RPTOR: variants seen among roughly 807,000 people sequenced by gnomAD.
RPTOR encodes regulatory associated protein of MTOR complex 1.
RPTOR carries 21 observed loss-of-function variants against 169.9 expected under a neutral mutation model. The observed-to-expected ratio is 0.12, with a 90% CI of 0.09 to 0.18. The LOEUF (loss-of-function observed/expected upper bound fraction) is 0.18, where lower values mean the gene tolerates loss of function less well. Ranked by LOEUF, RPTOR falls within the 10% of genes least tolerant of loss-of-function variation. The pLI is 1.00. For missense variants in RPTOR, 1,133 were observed against 1,855.9 expected (o/e 0.61, Z 7.16); for synonymous variants, 732 against 753.2 (o/e 0.97, Z 0.46).
intron 5 of RPTOR, among the ~76,000 whole-genome samples, chr17:80,736,072 C>A (rs2066430865): frequency 6.6e-6 from 1 of 152,118 alleles, no homozygotes; most frequent in African/African-American, 2.4e-5. Flanking sequence ...CTCTGGAGAC[C>A]AAGGTGGAAG....
intron 24 of RPTOR, among the ~76,000 whole-genome samples, chr17:80,930,204 A>AGC (rs2068863215): frequency 8.3e-6 from 1 of 120,152 alleles, no homozygotes; most frequent in Admixed American, 8.2e-5. Context: ...TGCCCAGCTC[A>AGC]TCCCCAGCTC....
At chr17:80,920,063 G>C (rs1186893554) in intron 21 of RPTOR, among the ~76,000 whole-genome samples, 1 of 152,208 alleles carries the variant, frequency 6.6e-6, no homozygotes, top group East Asian at 1.9e-4. Context: ...CACCCTTCCT[G>C]GTGCTGCGCT....
chr17:80,698,444 G>T (rs1441661556), intron 3 of RPTOR, among the ~76,000 whole-genome samples: 1 of 152,174 alleles, frequency 6.6e-6, no homozygotes, highest in African/African-American at 2.4e-5. Context: ...GTTGTCACCA[G>T]CATGTGGTCA....
rs2066163770 is a variant in RPTOR, at chr17:80,708,994, TC to T, written c.507+998del. 1 of 985,520 alleles carries T rather than the reference TC, an allele frequency of 1.0e-6. No individual in the cohort carries two copies. Among genetic ancestry groups the T allele is most frequent in the South Asian group, 4.7e-5 (1 of 21,282 alleles). The allele number at this position is 985,520 out of a possible 1,614,324, so 61.0% of individuals were successfully genotyped here. On this transcript the variant is annotated intron_variant, in intron 4 of 33. Transcript: ENST00000306801. The surrounding 1 kb of genome is among the most constrained non-coding windows in gnomAD (Gnocchi z 4.2). ...CTGAACTCTCGGTTCCCGCCTACCGTCCCGGGTTCGCAGCTAGCATTCGGCA... is the reference window on the plus strand; with the variant it reads ...CTGAACTCTCGGTTCCCGCCTACCGTCCGGGTTCGCAGCTAGCATTCGGCA...
chr17:80,869,946 G>A (rs2068034314), intron 13 of RPTOR, among the ~76,000 whole-genome samples: 1 of 152,182 alleles, frequency 6.6e-6, no homozygotes, highest in South Asian at 2.1e-4. Flanking sequence ...GGCCACAGCT[G>A]TCTTCCGCTG....
intron 3 of RPTOR, among the ~76,000 whole-genome samples, chr17:80,649,195 T>A (rs551496413): frequency 6.6e-6 from 1 of 152,302 alleles, no homozygotes; most frequent in African/African-American, 2.4e-5. Flanking sequence ...ACTCCACACC[T>A]GGAGGTGCTC....
At chr17:80,620,492 T>TGG (rs756085106) in intron 1 of RPTOR, among the ~76,000 whole-genome samples, 24 of 152,320 alleles carry the variant, frequency 1.6e-4, no homozygotes, top group Non-Finnish European at 2.6e-4. Context: ...AGGCCAGGTG[T>TGG]GGTGGCTCAC....
At chr17:80,864,510 G>T (rs74534309) in intron 13 of RPTOR, among the ~76,000 whole-genome samples, 32,007 of 149,512 alleles carry the variant, frequency 0.21, 3,571 homozygotes, top group East Asian at 0.3. Flanking sequence ...GACAGAGAAA[G>T]AGAAAAAACT....
chr17:80,585,270 T>C (rs1028347155), intron 1 of RPTOR, among the ~76,000 whole-genome samples: 3 of 151,496 alleles, frequency 2.0e-5, no homozygotes, highest in African/African-American at 7.3e-5. Flanking sequence ...AGTGGTGCGA[T>C]CTCGACTCAC....
At chr17:80,886,990 G>A (rs1257619093) in intron 17 of RPTOR, among the ~76,000 whole-genome samples, 4 of 152,164 alleles carry the variant, frequency 2.6e-5, no homozygotes, top group Non-Finnish European at 5.9e-5. Flanking sequence ...TGCCTGCATC[G>A]GAGCGGGAAG....
In RPTOR at chr17:80,633,345, A is replaced by G. The variant is rs528305907; in HGVS notation, c.265+7552A>G. On this transcript the variant is annotated intron_variant, in intron 2 of 33. Coordinates refer to ENST00000306801, the MANE Select transcript of RPTOR (RefSeq NM_020761.3). This position sits in a 1 kb window ranked among gnomAD's most constrained non-coding sequence, Gnocchi z 4.1. ...CTGCATGCAGGTTTGCCAGTGTCCC[A>G]GGAATGTCCTTTGTAGCGCCAGGAT... Among the ~76,000 whole-genome samples, 3 of 152,350 alleles carry G rather than the reference A, an allele frequency of 2.0e-5. No homozygotes were observed. In the East Asian group the frequency reaches 5.8e-4, roughly 29 times the overall value.
chr17:80,864,911 T>C (rs1160919341), intron 13 of RPTOR, among the ~76,000 whole-genome samples: 1 of 152,238 alleles, frequency 6.6e-6, no homozygotes. Flanking sequence ...CACTGTAAGC[T>C]CACACTCCCT....
chr17:80,743,800 C>CT (rs2066516190), intron 5 of RPTOR, among the ~76,000 whole-genome samples: 1 of 81,634 alleles, frequency 1.2e-5, no homozygotes, highest in Non-Finnish European at 2.9e-5. Context: ...GCTACTAGCA[C>CT]AGCCCTGGCT....
At chr17:80,838,161 G>T (rs2143675013) in intron 10 of RPTOR, among the ~76,000 whole-genome samples, 164 bp downstream of exon 10, 1 of 152,312 alleles carries the variant, frequency 6.6e-6, no homozygotes, top group East Asian at 1.9e-4. Context: ...AAAACATCGA[G>T]TCAACCAGGG....
At chr17:80,561,824 G>A (rs1463010608) in intron 1 of RPTOR, among the ~76,000 whole-genome samples, 1 of 152,126 alleles carries the variant, frequency 6.6e-6, no homozygotes, top group Non-Finnish European at 1.5e-5. Context: ...GTTTGTGTGT[G>A]ACTGTGTGAA....
intron 3 of RPTOR, among the ~76,000 whole-genome samples, chr17:80,697,797 G>T (rs1306107475): frequency 2.0e-5 from 3 of 152,196 alleles, no homozygotes; most frequent in Non-Finnish European, 4.4e-5. Context: ...TGGCCTGACT[G>T]CTGTGCGTTA....
At chr17:80,696,926 T>G (rs747850858) in intron 3 of RPTOR, among the ~76,000 whole-genome samples, 21 of 152,186 alleles carry the variant, frequency 1.4e-4, no homozygotes, top group Non-Finnish European at 2.5e-4. Context: ...AGTTCTTCCA[T>G]CCACAGTCCA....
At chr17:80,870,715 A>G (rs2068042812) in intron 13 of RPTOR, among the ~76,000 whole-genome samples, 1 of 152,106 alleles carries the variant, frequency 6.6e-6, no homozygotes, top group Admixed American at 6.5e-5. Context: ...TGTGTCCCGA[A>G]CTCTTGTTCC....
At chr17:80,941,877 T>C (rs2069034139) in intron 25 of RPTOR, 1 of 152,254 alleles carries the variant, frequency 6.6e-6, no homozygotes, top group African/African-American at 2.4e-5. Context: ...TGACTTCTGG[T>C]ACCAGCAACG....
Sources: gnomAD v4.1 joint callset for allele counts (sites outside exome capture counted in the v4.1 genomes callset) on GRCh38, gnomAD v4.1.1 for gene constraint, Gnocchi (gnomAD v3.1) non-coding constraint, MANE v1.5 for transcripts, NCBI Gene and HGNC (gene_info 2026-07-23, HGNC 2026-07-21) for gene names.